MLIP: variants seen among roughly 807,000 people sequenced by gnomAD.
The protein encoded by MLIP is muscular LMNA-interacting protein.
A neutral mutation model predicts 84.8 loss-of-function variants in MLIP; 79 were observed. The observed-to-expected ratio is 0.93, with a 90% confidence interval of 0.78 to 1.12. The LOEUF (loss-of-function observed/expected upper bound fraction) is 1.12, where lower values mean the gene tolerates loss of function less well. Ranked by LOEUF, MLIP falls within the 50% of genes most tolerant of loss-of-function variation. MLIP has a pLI of 0.00. For synonymous variants in MLIP, 504 were observed against 463.0 expected, an observed-to-expected ratio of 1.09 and a Z score of -1.14; for missense variants, 1,257 against 1,160.6, an observed-to-expected ratio of 1.08 and a Z score of -1.21.
chr6:54,125,323 G>T (rs1442160335), intron 3 of MLIP, among the ~76,000 whole-genome samples: 1 of 152,152 alleles, frequency 6.6e-6, no homozygotes, highest in African/African-American at 2.4e-5. Flanking sequence ...ACTAGTAAAA[G>T]GATAAACTAG....
At chr6:54,156,963 T>C (rs1774094341) in intron 5 of MLIP, among the ~76,000 whole-genome samples, 1 of 152,064 alleles carries the variant, frequency 6.6e-6, no homozygotes. Context: ...AAGAAAGATG[T>C]TATAAAGGAG....
At chr6:54,035,911 G>C (rs1014405400) in intron 1 of MLIP, among the ~76,000 whole-genome samples, 2 of 151,928 alleles carry the variant, frequency 1.3e-5, no homozygotes, top group African/African-American at 4.8e-5. Flanking sequence ...TTTCTACCAG[G>C]TTGTAGCATG....
chr6:54,047,908 A>G (rs985517924), intron 1 of MLIP, among the ~76,000 whole-genome samples: 1 of 152,230 alleles, frequency 6.6e-6, no homozygotes. Context: ...CATACAATGT[A>G]CTATATGTAG....
rs368630379 is a variant in MLIP at position 54,063,721 on chromosome 6, CGTGTGTGT to C, written c.63+44658_63+44665del. Among the ~76,000 whole-genome samples the C allele has an allele frequency of 5.6e-4, 80 of 143,244 alleles. 1 individual carries two copies. Among genetic ancestry groups the C allele is most frequent in the African/African-American group, 1.9e-3 (74 of 39,438 alleles). 94.0% of individuals were successfully genotyped at this position (143,244 alleles called of 152,430 possible). On this transcript the variant is annotated intron_variant, in intron 1 of 12. Coordinates refer to the MLIP transcript ENST00000274897. The stretch of plus-strand genomic sequence containing the variant: ...GGGGTAGGCAGAACTAGGTCAGTGG[CGTGTGTGT>C]GTGTGTGTGTGTGTGTGTGTGTGTG...
chr6:54,126,805 A>G (rs976792284), intron 3 of MLIP, among the ~76,000 whole-genome samples: 1 of 152,190 alleles, frequency 6.6e-6, no homozygotes, highest in African/African-American at 2.4e-5. Context: ...ACAGTCAAGT[A>G]AGTAAATTTC....
chr6:54,192,505 T>C (rs889753584), intron 10 of MLIP, among the ~76,000 whole-genome samples: 2 of 151,990 alleles, frequency 1.3e-5, no homozygotes, highest in African/African-American at 4.8e-5. Flanking sequence ...ATTTATAAAG[T>C]TATAATTTTT....
At chr6:54,117,839 G>A (rs895799987) in intron 1 of MLIP, among the ~76,000 whole-genome samples, 5 of 151,956 alleles carry the variant, frequency 3.3e-5, no homozygotes, top group South Asian at 4.2e-4. Flanking sequence ...CCAGCTACTC[G>A]GAAGGCTGAA....
chr6:54,186,978 A>G (rs1022834139), intron 9 of MLIP, among the ~76,000 whole-genome samples: 3 of 152,226 alleles, frequency 2.0e-5, no homozygotes, highest in African/African-American at 7.2e-5. Flanking sequence ...GCATAATTCT[A>G]TAACCTACAA....
intron 1 of MLIP, among the ~76,000 whole-genome samples, chr6:54,038,564 T>C (rs1294587674): frequency 2.6e-5 from 4 of 151,676 alleles, no homozygotes; most frequent in Non-Finnish European, 2.9e-5. Flanking sequence ...GATTATATCA[T>C]TCCTCATTTT....
intron 10 of MLIP, among the ~76,000 whole-genome samples, chr6:54,191,492 A>G (rs963952932): frequency 6.6e-6 from 1 of 152,178 alleles, no homozygotes; most frequent in African/African-American, 2.4e-5. Context: ...AATATAGTAT[A>G]GTTGAAAGAA....
intron 4 of MLIP, among the ~76,000 whole-genome samples, chr6:54,139,959 T>G (rs1772147596): frequency 6.6e-6 from 1 of 152,176 alleles, no homozygotes; most frequent in Non-Finnish European, 1.5e-5. Context: ...ATTTTAAACA[T>G]TCAAAGAAAA....
intron 3 of MLIP, among the ~76,000 whole-genome samples, chr6:54,133,197 G>A (rs565820305): frequency 1.3e-5 from 2 of 152,286 alleles, no homozygotes; most frequent in African/African-American, 2.4e-5. Context: ...AACCAGTGAT[G>A]AGGTCTTGAG....
intron 1 of MLIP, among the ~76,000 whole-genome samples, chr6:54,055,797 G>A (rs552827340): frequency 6.6e-6 from 1 of 152,054 alleles, no homozygotes; most frequent in South Asian, 2.1e-4. Context: ...AGGTGATCAG[G>A]GACTGCCGAG....
intron 1 of MLIP, among the ~76,000 whole-genome samples, chr6:54,093,329 A>AATTCTATTCT (rs70980891): frequency 0.22 from 28,999 of 133,878 alleles, 3,552 homozygotes; most frequent in Middle Eastern, 0.27. Context: ...TTTTCGATTA[A>AATTCTATTCT]ATTCTATTCT....
Position 54,020,347 on chromosome 6 carries a change from A to G in MLIP, c.63+1256A>G, listed in dbSNP as rs148066319. ...TTTTGGTCTGATTCACTTAAAAAGC[A>G]CATGCCCAAAGTTTACTAATATGGA... On this transcript the variant is annotated intron_variant, in intron 1 of 12. Transcript: ENST00000274897. Among the ~76,000 whole-genome samples the G allele has an allele frequency of 2.0e-5, 3 of 152,370 alleles. No homozygotes were observed. The East Asian group carries it at 5.8e-4, about 29-fold the overall frequency.
chr6:54,179,973 G>T (rs1412165639), intron 9 of MLIP, among the ~76,000 whole-genome samples: 1 of 152,100 alleles, frequency 6.6e-6, no homozygotes, highest in East Asian at 1.9e-4. Flanking sequence ...AGCATTTCTT[G>T]TAGACAGGTC....
At chr6:54,049,366 C>A (rs1481826541) in intron 1 of MLIP, among the ~76,000 whole-genome samples, 1 of 152,152 alleles carries the variant, frequency 6.6e-6, no homozygotes, top group Non-Finnish European at 1.5e-5. Flanking sequence ...TACTTGCTTG[C>A]TCACACTTCT....
At chr6:54,155,754 T>C (rs1773955802) in intron 5 of MLIP, among the ~76,000 whole-genome samples, 2 of 152,128 alleles carry the variant, frequency 1.3e-5, no homozygotes, top group Non-Finnish European at 2.9e-5. Context: ...CTAATTTTAA[T>C]GTAGTGCTAA....
chr6:54,146,134 T>C (rs899311564), intron 4 of MLIP, among the ~76,000 whole-genome samples: 1 of 152,162 alleles, frequency 6.6e-6, no homozygotes, highest in Admixed American at 6.6e-5. Flanking sequence ...GTAAATGTTT[T>C]GAAAAAAGAT....
Sources: allele counts gnomAD v4.1 joint callset (sites outside exome capture counted in the v4.1 genomes callset), GRCh38; gene constraint gnomAD v4.1.1; transcripts MANE v1.5; gene names NCBI Gene and HGNC (gene_info 2026-07-23, HGNC 2026-07-21).